CAMKK1: variants seen among roughly 807,000 people sequenced by gnomAD.
CAMKK1 encodes calcium/calmodulin-dependent protein kinase kinase 1.
A neutral mutation model predicts 63.5 loss-of-function variants in CAMKK1; 20 were observed. The ratio of observed to expected loss-of-function variants is 0.32; its 90% CI spans 0.22 to 0.46. The LOEUF (loss-of-function observed/expected upper bound fraction) is 0.46, where lower values mean the gene tolerates loss of function less well. Ranked by LOEUF, CAMKK1 falls within the 20% of genes least tolerant of loss-of-function variation. CAMKK1 has a pLI of 1.00. For synonymous variants in CAMKK1, 253 were observed against 269.0 expected, an observed-to-expected ratio of 0.94 and a Z score of 0.58; for missense variants, 588 against 658.1, an observed-to-expected ratio of 0.89 and a Z score of 1.17.
Position 3,885,318 on chromosome 17 carries a change from C to T in CAMKK1, c.360+10G>A. On this transcript the variant is annotated intron_variant, in intron 2 of 15. Coordinates refer to ENST00000348335, the MANE Select transcript of CAMKK1 (RefSeq NM_032294.3). Reference sequence around the variant, plus strand: ...GGCTCATGAACAACCCCTCGTTCTGCCCCACCAACCTCTGCATCTGAGATG... The same window carrying T: ...GGCTCATGAACAACCCCTCGTTCTGTCCCACCAACCTCTGCATCTGAGATG... 1 of 1,574,652 alleles carries T rather than the reference C, an allele frequency of 6.4e-7. No individual in the cohort carries two copies. The highest frequency in any genetic ancestry group is 8.6e-7 in the Non-Finnish European group (1 of 1,157,582).
rs2055462699 is a variant in CAMKK1, at chr17:3,882,637, C to T, written c.649-73G>A. ...GTTGGAGGTCCCAGGCCTCCTGGTCCTTGCCAGCCCCAGAACCCTTAGTAT... is the reference window on the plus strand; with the variant it reads ...GTTGGAGGTCCCAGGCCTCCTGGTCTTTGCCAGCCCCAGAACCCTTAGTAT... On this transcript the variant is annotated intron_variant, in intron 6 of 15. Coordinates refer to ENST00000348335, the MANE Select transcript of CAMKK1 (RefSeq NM_032294.3). The surrounding 1 kb of genome is among the most constrained non-coding windows in gnomAD (Gnocchi z 4.3). The T allele has an allele frequency of 2.8e-6, 4 of 1,409,356 alleles. No individual in the cohort carries two copies. The highest frequency in any genetic ancestry group is 3.9e-6 in the Non-Finnish European group (4 of 1,018,390). The allele number at this position is 1,409,356 out of a possible 1,614,324, so 87.3% of individuals were successfully genotyped here. A position where few individuals can be genotyped will look rare whatever the true frequency, so the allele number is the denominator to read the frequency against.
chr17:3,881,754 T>C, intron 7 of CAMKK1, 106 bp from the exon 8 acceptor site: 3 of 1,030,492 alleles, frequency 2.9e-6, no homozygotes, highest in Non-Finnish European at 4.4e-6. Context: ...CATGCAGGCA[T>C]ACTCGAGGCA....
Position 3,869,961 on chromosome 17 carries a change from G to A in CAMKK1, c.1125-73C>T, listed in dbSNP as rs144016167. The A allele has an allele frequency of 8.8e-6, 11 of 1,250,744 alleles. No homozygotes were observed. In the Middle Eastern group the frequency reaches 5.6e-4, roughly 63 times the overall value. 77.5% of individuals were successfully genotyped at this position (1,250,744 alleles called of 1,614,324 possible). On this transcript the variant is annotated intron_variant, in intron 12 of 15. Coordinates refer to ENST00000348335, the MANE Select transcript of CAMKK1 (RefSeq NM_032294.3). ...CCCCTTCCTGTCCACCTCTCTTCCCGAAACCTTCGTCCCTCGGATGGGAAG... is the reference window on the plus strand; with the variant it reads ...CCCCTTCCTGTCCACCTCTCTTCCCAAAACCTTCGTCCCTCGGATGGGAAG...
chr17:3,863,281 A>G (rs2054388693), intron 15 of CAMKK1, among the ~76,000 whole-genome samples: 1 of 152,124 alleles, frequency 6.6e-6, no homozygotes, highest in African/African-American at 2.4e-5. Flanking sequence ...AGATTACCTG[A>G]GGTCAGGAGT....
In CAMKK1 at chr17:3,884,596, C is replaced by T. The variant is rs1567634123; in HGVS notation, c.361-169G>A. ...GGGAAGTTGGTGGTGCCATCGCCCC[C>T]GTATGTGACGAGAAGACGTGGCTCA... On this transcript the variant is annotated intron_variant, in intron 2 of 15. Coordinates refer to ENST00000348335, the MANE Select transcript of CAMKK1 (RefSeq NM_032294.3). This position sits in a 1 kb window ranked among gnomAD's most constrained non-coding sequence, Gnocchi z 4.5. Among the ~76,000 whole-genome samples the T allele has an allele frequency of 6.6e-6, 1 of 152,198 alleles. No homozygotes were observed. Among genetic ancestry groups the T allele is most frequent in the Admixed American group, 6.5e-5 (1 of 15,276 alleles).
Position 3,883,016 on chromosome 17 carries a change from C to T in CAMKK1, c.648+26G>A, listed in dbSNP as rs1053022998. ...CTCCCATGAGACTCAGGTGCTGGTTCCCACCTGCTCACCACCACCCCCTAC... is the reference window on the plus strand; with the variant it reads ...CTCCCATGAGACTCAGGTGCTGGTTTCCACCTGCTCACCACCACCCCCTAC... On this transcript the variant is annotated intron_variant, in intron 6 of 15. Transcript: ENST00000348335. The surrounding 1 kb of genome is among the most constrained non-coding windows in gnomAD (Gnocchi z 4.7). 12 of 1,610,500 alleles carry T rather than the reference C, an allele frequency of 7.5e-6. No homozygotes were observed. The highest frequency in any genetic ancestry group is 8.5e-6 in the Non-Finnish European group (10 of 1,177,668).
At position 3,872,556 on chromosome 17, in the gene CAMKK1, C is replaced by A. The variant is rs756405384; in HGVS notation, c.1122G>T (p.Glu374Asp). Residue 374 changes from glutamate to aspartate, a missense_variant and splice_region_variant, in exon 12 of 16, where the codon GAG (glutamate) becomes GAT (aspartate). Physicochemically the swap from Glu to Asp is conservative, Grantham distance 45. This residue lies in a region of CAMKK1 where 226 missense variants were observed against 229.2 expected (regional missense o/e 0.99). Coordinates refer to ENST00000348335, the MANE Select transcript of CAMKK1 (RefSeq NM_032294.3). ...GTTCCCCTGGGTGGACAACTCACTC[C>A]TCAGGAAACACCACGGGCTCATTCT... Reference protein sequence around the residue: ...KIKNEPVVFPEEPEISEELKD... With the variant: ...KIKNEPVVFPDEPEISEELKD... 16 of 1,613,666 alleles carry A rather than the reference C, an allele frequency of 9.9e-6. No individual in the cohort carries two copies. The Admixed American group carries it at 2.7e-4, about 27-fold the overall frequency.
chr17:3,864,289 C>G (rs568717239), intron 15 of CAMKK1, among the ~76,000 whole-genome samples: 1 of 151,914 alleles, frequency 6.6e-6, no homozygotes, highest in Non-Finnish European at 1.5e-5. Context: ...CTCTGTCGCC[C>G]AGGCTGGAGT....
Position 3,883,197 on chromosome 17 carries a change from A to G in CAMKK1, c.515-22T>C. ...CGACCTGTGACCAGGAAGAGAACTC[A>G]AACACCTGTTCCAGGTGGCTGGGCC... On this transcript the variant is annotated intron_variant, in intron 5 of 15. Coordinates refer to ENST00000348335, the MANE Select transcript of CAMKK1 (RefSeq NM_032294.3). The surrounding 1 kb of genome is among the most constrained non-coding windows in gnomAD (Gnocchi z 4.7). The G allele has an allele frequency of 6.2e-7, 1 of 1,607,604 alleles. No homozygotes were observed. Among genetic ancestry groups the G allele is most frequent in the South Asian group, 1.1e-5 (1 of 91,030 alleles).
In CAMKK1 at chr17:3,871,345, T is replaced by C. The variant is rs560905187; in HGVS notation, c.1124+1209A>G. ...TTTGTTGTTTTTTGTTTTTTTTTTT[T>C]TGTTTTTTTTTTTTTTTTTTTTTTT... is the stretch of plus-strand genomic sequence containing the variant. On this transcript the variant is annotated intron_variant, in intron 12 of 15. Transcript: ENST00000348335. Among the ~76,000 whole-genome samples, 258 of 46,018 alleles carry C rather than the reference T, an allele frequency of 5.6e-3. 3 individuals carry two copies. The highest frequency in any genetic ancestry group is 0.03 in the African/African-American group (248 of 8,332). 30.2% of individuals were successfully genotyped at this position (46,018 alleles called of 152,430 possible).
rs1242219046 is a variant in CAMKK1, at chr17:3,879,729, C to CG, written c.796+616dup. ...CTTCAGGGAGACTTCCCCAGCCCCC[C>CG]GGCACTCCTACAGCCTCTAGGCTCC... On this transcript the variant is annotated intron_variant, in intron 9 of 15. Transcript: ENST00000348335. This position sits in a 1 kb window ranked among gnomAD's most constrained non-coding sequence, Gnocchi z 4.5. 4.6e-5 allele frequency: 7 copies of CG among 152,802 alleles called. No individual in the cohort carries two copies. In the East Asian group the frequency reaches 1.2e-3, roughly 25 times the overall value. 9.5% of individuals were successfully genotyped at this position (152,802 alleles called of 1,614,324 possible).
intron 12 of CAMKK1, among the ~76,000 whole-genome samples, chr17:3,871,565 C>A (rs1222828035): frequency 6.7e-6 from 1 of 149,526 alleles, no homozygotes; most frequent in African/African-American, 2.5e-5. Flanking sequence ...ACCGTGTTAG[C>A]CAGGATGGTC....
chr17:3,883,164 G>A lies in CAMKK1; in HGVS notation c.526C>T (p.Pro176Ser). 1 of 1,610,564 alleles carries A rather than the reference G, an allele frequency of 6.2e-7. No homozygotes were observed. Among genetic ancestry groups the A allele is most frequent in the Non-Finnish European group, 8.5e-7 (1 of 1,179,954 alleles). ...CCCTGGGCAGCCTGGGACCCTCTCG[G>A]GGGAGGGCGACCTGTGACCAGGAAG... ...KQYGFPRRPP[P>S]RGSQAAQGGP... The change falls in exon 6 of 16, where the codon CCG becomes TCG. Residue 176 changes from proline (P) to serine (S), a missense_variant. Coordinates refer to ENST00000348335, the MANE Select transcript of CAMKK1 (RefSeq NM_032294.3). This position sits in a 1 kb window ranked among gnomAD's most constrained non-coding sequence, Gnocchi z 4.7.
Position 3,890,553 on chromosome 17 carries a change from C to T in CAMKK1, c.-44+2386G>A, listed in dbSNP as rs150246167. ...ACTCAGCATCTTCCCCAAACCTGCT[C>T]GTCCTCCTCTGTCTCCATTGCGAGA... is the stretch of plus-strand genomic sequence containing the variant. On this transcript the variant is annotated intron_variant, in intron 1 of 15. Coordinates refer to ENST00000348335, the MANE Select transcript of CAMKK1 (RefSeq NM_032294.3). The surrounding 1 kb of genome is among the most constrained non-coding windows in gnomAD (Gnocchi z 6.5). 131 of 735,208 alleles carry T rather than the reference C, an allele frequency of 1.8e-4. 1 individual carries two copies. Among genetic ancestry groups the T allele is most frequent in the African/African-American group, 1.5e-3 (90 of 58,508 alleles). The allele number at this position is 735,208 out of a possible 1,614,324, so 45.5% of individuals were successfully genotyped here. A position where few individuals can be genotyped will look rare whatever the true frequency, so the allele number is the denominator to read the frequency against.
chr17:3,886,799 C>T (rs2143894373), intron 1 of CAMKK1, among the ~76,000 whole-genome samples: 1 of 152,236 alleles, frequency 6.6e-6, no homozygotes, highest in Non-Finnish European at 1.5e-5. Flanking sequence ...TGACCCCGGA[C>T]TGAACCCTGA....
chr17:3,876,470 G>T, intron 9 of CAMKK1, 48 bp from the exon 10 acceptor site: 1 of 1,522,454 alleles, frequency 6.6e-7, no homozygotes, highest in Non-Finnish European at 9.1e-7. Flanking sequence ...GGCACCGCTG[G>T]CCAGGACCCC....
chr17:3,862,447 G>A lies in CAMKK1; in HGVS notation c.1446-164C>T, dbSNP rs1214622387. On this transcript the variant is annotated intron_variant, in intron 15 of 15. Coordinates refer to ENST00000348335, the MANE Select transcript of CAMKK1 (RefSeq NM_032294.3). This position sits in a 1 kb window ranked among gnomAD's most constrained non-coding sequence, Gnocchi z 4.1. ...CCTCTGGCCTCCCTACATCACGGCA[G>A]TTGCTCCTTGCCGGTCTCTCAGCCC... 2.6e-5 allele frequency among the ~76,000 whole-genome samples: 4 copies of A among 152,102 alleles called. No individual in the cohort carries two copies. The highest frequency in any genetic ancestry group is 9.7e-5 in the African/African-American group (4 of 41,438).
At chr17:3,868,471 C>T (rs1011776140) in intron 14 of CAMKK1, among the ~76,000 whole-genome samples, 237 of 144,156 alleles carry the variant, frequency 1.6e-3, no homozygotes, top group East Asian at 8.5e-4. Flanking sequence ...GCAGGCGCCG[C>T]CTAACTGATA....
chr17:3,884,567 G>C lies in CAMKK1; in HGVS notation c.361-140C>G. 4.2e-6 allele frequency: 3 copies of C among 716,568 alleles called. No individual in the cohort carries two copies. Among genetic ancestry groups the C allele is most frequent in the Non-Finnish European group, 6.8e-6 (3 of 443,714 alleles). The allele number at this position is 716,568 out of a possible 1,614,324, so 44.4% of individuals were successfully genotyped here. On this transcript the variant is annotated intron_variant, in intron 2 of 15. Transcript: ENST00000348335. This position sits in a 1 kb window ranked among gnomAD's most constrained non-coding sequence, Gnocchi z 4.5. ...AGGTCTCACCAAGCTTTTGAGTTTG[G>C]ATGGGGAAGTTGGTGGTGCCATCGC...
Sources: allele counts gnomAD v4.1 joint callset (sites outside exome capture counted in the v4.1 genomes callset), GRCh38; gene constraint gnomAD v4.1.1; regional missense constraint gnomAD v4.1.1; non-coding constraint Gnocchi (gnomAD v3.1); transcripts MANE v1.5; gene names NCBI Gene and HGNC (gene_info 2026-07-23, HGNC 2026-07-21).